The following TPT1 variants were observed in gnomAD, a reference collection of about 807,000 sequenced individuals.
TPT1 encodes the protein translationally-controlled tumor protein.
In TPT1, 5 loss-of-function variants were observed where a neutral mutation model predicts 22.8. That is an observed-to-expected ratio of 0.22 (90% CI 0.11 to 0.46). The LOEUF (loss-of-function observed/expected upper bound fraction) is 0.46, where lower values mean the gene tolerates loss of function less well. TPT1 is among the 20% of genes least tolerant of loss of function. TPT1 has a pLI of 0.99. For missense variants in TPT1, 130 were observed against 218.7 expected, an observed-to-expected ratio of 0.59 and a Z score of 2.56; for synonymous variants, 89 against 73.6, an observed-to-expected ratio of 1.21 and a Z score of -1.07.
intron 5 of TPT1, 171 bp from the exon 6 acceptor site, chr13:45,337,559 GC>G (rs1878786827): frequency 1.2e-6 from 2 of 1,610,482 alleles, no homozygotes; most frequent in Non-Finnish European, 1.7e-6. Context: ...GCATCCTAGT[GC>G]AAACCAAAAG....
intron 5 of TPT1, chr13:45,338,294 ATT>A (rs930672088): frequency 4.2e-6 from 1 of 236,082 alleles, no homozygotes; most frequent in African/African-American, 2.3e-5. Flanking sequence ...TAATTTTTGT[ATT>A]TTTAGCAGAG....
In TPT1 at chr13:45,333,727, G is replaced by A. The variant is rs1878510458; in HGVS notation, c.*3659C>T. ...TACCTGTATTGTATTTCATGCCTGC[G>A]ACTGTTAGTCTCTTGAGTGCATTTT... On this transcript the variant is annotated 3_prime_UTR_variant, in exon 6 of 6. Coordinates refer to ENST00000530705, the MANE Select transcript of TPT1 (RefSeq NM_003295.4). The A allele has an allele frequency of 6.6e-6, 1 of 152,110 alleles. No individual in the cohort carries two copies. The highest frequency in any genetic ancestry group is 2.1e-4 in the South Asian group (1 of 4,830). The allele number at this position is 152,110 out of a possible 1,614,324, so 9.4% of individuals were successfully genotyped here. A position where few individuals can be genotyped will look rare whatever the true frequency, so the allele number is the denominator to read the frequency against.
Position 45,337,277 on chromosome 13 carries a change from G to A in TPT1, c.*109C>T. ...AAATCACAGTCAAAATAAATGAAGAGCTCAAGATGACATCAGTCCCATTTG... is the reference window on the plus strand; with the variant it reads ...AAATCACAGTCAAAATAAATGAAGAACTCAAGATGACATCAGTCCCATTTG... On this transcript the variant is annotated 3_prime_UTR_variant, in exon 6 of 6. Coordinates refer to ENST00000530705, the MANE Select transcript of TPT1 (RefSeq NM_003295.4). 5.7e-6 allele frequency: 6 copies of A among 1,053,800 alleles called. No homozygotes were observed. In the South Asian group the frequency reaches 6.8e-5, roughly 12 times the overall value. 65.3% of individuals were successfully genotyped at this position (1,053,800 alleles called of 1,614,324 possible).
chr13:45,337,348 G>A lies in TPT1; in HGVS notation c.*38C>T. ...TGGATGACAAGCAGAAGCCAGTTAT[G>A]ATGACAGGTGATAGATCCAAAATAA... On this transcript the variant is annotated 3_prime_UTR_variant, in exon 6 of 6. Coordinates refer to ENST00000530705, the MANE Select transcript of TPT1 (RefSeq NM_003295.4). The A allele has an allele frequency of 1.2e-6, 2 of 1,606,892 alleles. No individual in the cohort carries two copies. Among genetic ancestry groups the A allele is most frequent in the Middle Eastern group, 1.7e-4 (1 of 5,902 alleles).
At chr13:45,338,950 T>C (rs1878897685) in intron 4 of TPT1, 174 bp from the exon 5 acceptor site, 2 of 522,454 alleles carry the variant, frequency 3.8e-6, no homozygotes, top group Non-Finnish European at 6.6e-6. Context: ...TAAGGCACCT[T>C]AATAGTGACC....
At chr13:45,339,003 C>T (rs911319360) in intron 4 of TPT1, 6 of 425,020 alleles carry the variant, frequency 1.4e-5, no homozygotes, top group African/African-American at 1.0e-4. Context: ...GAACACTAGG[C>T]TTTCAGGAAA....
Position 45,337,281 on chromosome 13 carries a change from A to C in TPT1, c.*105T>G. 9.1e-7 allele frequency: 1 copy of C among 1,097,738 alleles called. No individual in the cohort carries two copies. The highest frequency in any genetic ancestry group is 1.4e-6 in the Non-Finnish European group (1 of 726,046). The allele number at this position is 1,097,738 out of a possible 1,614,324, so 68.0% of individuals were successfully genotyped here. On this transcript the variant is annotated 3_prime_UTR_variant, in exon 6 of 6. Coordinates refer to ENST00000530705, the MANE Select transcript of TPT1 (RefSeq NM_003295.4). The stretch of plus-strand genomic sequence containing the variant: ...CACAGTCAAAATAAATGAAGAGCTC[A>C]AGATGACATCAGTCCCATTTGTCTT...
chr13:45,337,857 CA>C (rs1878812590), intron 5 of TPT1, among the ~76,000 whole-genome samples: 1 of 152,188 alleles, frequency 6.6e-6, no homozygotes, highest in South Asian at 2.1e-4. Context: ...TGTTTCTGTA[CA>C]GCTTCCAGCA....
chr13:45,341,003 C>T (rs1879089392), intron 1 of TPT1, 39 bp downstream of exon 1: 6 of 1,603,546 alleles, frequency 3.7e-6, no homozygotes, highest in Non-Finnish European at 5.1e-6. Flanking sequence ...ACCCCAGACC[C>T]CCGTGTGCGG....
chr13:45,340,412 T>A, intron 2 of TPT1: 3 of 769,740 alleles, frequency 3.9e-6, no homozygotes, highest in Non-Finnish European at 6.7e-6. Context: ...TGTTTCCAGT[T>A]GCGGGCATGT....
At position 45,340,608 on chromosome 13, in the gene TPT1, G is replaced by T. The variant is rs1369206481; in HGVS notation, c.102+104C>A. On this transcript the variant is annotated intron_variant, in intron 2 of 5. Transcript: ENST00000530705. ...CAAGCCCGGAAAGAGCGTCTCCTCC[G>T]CCAGGAGGCGGCGGGGAGGATTGCA... 6 of 1,332,602 alleles carry T rather than the reference G, an allele frequency of 4.5e-6. No homozygotes were observed. The African/African-American group carries it at 8.7e-5, about 19-fold the overall frequency. The allele number at this position is 1,332,602 out of a possible 1,614,324, so 82.5% of individuals were successfully genotyped here. A position where few individuals can be genotyped will look rare whatever the true frequency, so the allele number is the denominator to read the frequency against.
At chr13:45,337,410 T>G (rs771468031) in intron 5 of TPT1, 22 bp from the exon 6 acceptor site, 5 of 1,614,100 alleles carry the variant, frequency 3.1e-6, no homozygotes, top group Non-Finnish European at 4.2e-6. Context: ...AAAACTACAT[T>G]AATATTTTTC....
Position 45,337,041 on chromosome 13 carries a change from TC to T in TPT1, c.*344del, listed in dbSNP as rs1878747433. 3.4e-6 allele frequency: 1 copy of T among 292,906 alleles called. No individual in the cohort carries two copies. Among genetic ancestry groups the T allele is most frequent in the Non-Finnish European group, 6.4e-6 (1 of 155,722 alleles). 18.1% of individuals were successfully genotyped at this position (292,906 alleles called of 1,614,324 possible). ...CAGAACCTTTGATTCTTTTTTATAT[TC>T]CAGTCCCAGAAGTAGTCTCCACTGT... is the stretch of plus-strand genomic sequence containing the variant. On this transcript the variant is annotated 3_prime_UTR_variant, in exon 6 of 6. Transcript: ENST00000530705.
Position 45,337,154 on chromosome 13 carries a change from A to C in TPT1, c.*232T>G. ...GATCAATTTAGTTTAAATATGCATT[A>C]AACTAAAAGGCATTCTCTCAAATGA... is the stretch of plus-strand genomic sequence containing the variant. On this transcript the variant is annotated 3_prime_UTR_variant, in exon 6 of 6. Transcript: ENST00000530705. 3.4e-6 allele frequency: 2 copies of C among 588,356 alleles called. No individual in the cohort carries two copies. Among genetic ancestry groups the C allele is most frequent in the Non-Finnish European group, 6.0e-6 (2 of 331,756 alleles). 36.4% of individuals were successfully genotyped at this position (588,356 alleles called of 1,614,324 possible). A position where few individuals can be genotyped will look rare whatever the true frequency, so the allele number is the denominator to read the frequency against.
chr13:45,340,875 C>G (rs1235271515), intron 1 of TPT1, 90 bp from the exon 2 acceptor site: 7 of 1,456,964 alleles, frequency 4.8e-6, no homozygotes, highest in African/African-American at 1.4e-5. Flanking sequence ...CGGGATCTGC[C>G]CCTCCGTAGC....
At position 45,341,046 on chromosome 13, in the gene TPT1, G is replaced by A. The variant is rs758138184; in HGVS notation, c.24C>T (p.Ile8=). The A allele has an allele frequency of 5.6e-6, 9 of 1,613,228 alleles. No homozygotes were observed. The highest frequency in any genetic ancestry group is 7.6e-6 in the Non-Finnish European group (9 of 1,179,542). Residue 8 remains isoleucine, a synonymous_variant, in exon 1 of 6, where the codon ATC becomes ATT. Transcript: ENST00000530705. ...GATAGTGCAGTGAGGACTCACGGCT[G>A]ATGAGGTCCCGGTAGATAATCATGA... MIIYRDL[I]SHDEMFSDIY...
rs982900387 is a variant in TPT1, at chr13:45,339,794, C to T, written c.294-192G>A. ...TGTTGACTATTTTCAAAATACTATT[C>T]TAATTCTAAACGGAAACAGACTGCA... On this transcript the variant is annotated intron_variant, in intron 3 of 5. Coordinates refer to ENST00000530705, the MANE Select transcript of TPT1 (RefSeq NM_003295.4). 5.9e-5 allele frequency: 45 copies of T among 760,146 alleles called. No homozygotes were observed. In the East Asian group the frequency reaches 1.2e-3, roughly 20 times the overall value. 47.1% of individuals were successfully genotyped at this position (760,146 alleles called of 1,614,324 possible).
In TPT1 at chr13:45,335,197, T is replaced by C. The variant is rs1176807350; in HGVS notation, c.*2189A>G. ...AAAAAGATATAAAATGAGACAGTCT[T>C]CAAAGTCTGAGAAGATTCTACCTGG... On this transcript the variant is annotated 3_prime_UTR_variant, in exon 6 of 6. Coordinates refer to ENST00000530705, the MANE Select transcript of TPT1 (RefSeq NM_003295.4). 1 of 152,188 alleles carries C rather than the reference T, an allele frequency of 6.6e-6. No homozygotes were observed. The highest frequency in any genetic ancestry group is 2.4e-5 in the African/African-American group (1 of 41,452). The allele number at this position is 152,188 out of a possible 1,614,324, so 9.4% of individuals were successfully genotyped here.
At position 45,340,881 on chromosome 13, in the gene TPT1, G is replaced by A. The variant is rs528076200; in HGVS notation, c.29-96C>T. The A allele has an allele frequency of 9.2e-5, 135 of 1,463,404 alleles. No individual in the cohort carries two copies. The East Asian group carries it at 1.5e-3, about 16-fold the overall frequency. The allele number at this position is 1,463,404 out of a possible 1,614,324, so 90.7% of individuals were successfully genotyped here. A position where few individuals can be genotyped will look rare whatever the true frequency, so the allele number is the denominator to read the frequency against. Reference sequence around the variant, plus strand: ...GGCCGCACGCGGGATCTGCCCCTCCGTAGCACACCAGAGCTGGGCGCGAGC... The same window carrying A: ...GGCCGCACGCGGGATCTGCCCCTCCATAGCACACCAGAGCTGGGCGCGAGC... On this transcript the variant is annotated intron_variant, in intron 1 of 5. Coordinates refer to ENST00000530705, the MANE Select transcript of TPT1 (RefSeq NM_003295.4).
Sources: gnomAD v4.1 joint callset for allele counts (sites outside exome capture counted in the v4.1 genomes callset) on GRCh38, gnomAD v4.1.1 for gene constraint, MANE v1.5 for transcripts, NCBI Gene and HGNC (gene_info 2026-07-23, HGNC 2026-07-21) for gene names.